The following TBL1X variants were observed in gnomAD, a reference collection of about 807,000 sequenced individuals.
TBL1X encodes the protein F-box-like/WD repeat-containing protein TBL1X.
A neutral mutation model predicts 50.7 loss-of-function variants in TBL1X; 10 were observed. The ratio of observed to expected loss-of-function variants is 0.20; its 90% CI spans 0.12 to 0.33. The LOEUF (loss-of-function observed/expected upper bound fraction) is 0.33. Ranked by LOEUF, TBL1X falls within the 10% of genes least tolerant of loss-of-function variation. The pLI is 1.00. For synonymous variants in TBL1X, 190 were observed against 214.7 expected (o/e 0.88, Z 1.01); for missense variants, 340 against 504.4 (o/e 0.67, Z 3.12).
intron 16 of TBL1X, among the ~76,000 whole-genome samples, chrX:9,712,206 C>T (rs889928271): frequency 8.8e-6 from 1 of 113,082 alleles, no homozygotes; most frequent in East Asian, 2.8e-4. Context: ...GACCAGCTAA[C>T]GGGGTCAAGG....
chrX:9,554,285 C>G (rs1341550877), intron 2 of TBL1X, among the ~76,000 whole-genome samples: 1 of 112,531 alleles, frequency 8.9e-6, no homozygotes, highest in Non-Finnish European at 1.9e-5. Context: ...TTAAAATCCA[C>G]TTAGGAAAGT....
chrX:9,525,864 A>C (rs1225678469), intron 2 of TBL1X, among the ~76,000 whole-genome samples: 1 of 111,037 alleles, frequency 9.0e-6, no homozygotes, highest in Non-Finnish European at 1.9e-5. Context: ...TAAAAAAAAA[A>C]CCCCTAATAC....
At chrX:9,550,227 A>G (rs1483655795) in intron 2 of TBL1X, among the ~76,000 whole-genome samples, 1 of 111,842 alleles carries the variant, frequency 8.9e-6, no homozygotes, top group Non-Finnish European at 1.9e-5. Flanking sequence ...GGGGAGAAAG[A>G]GGAAGACAGA....
intron 2 of TBL1X, among the ~76,000 whole-genome samples, chrX:9,506,962 T>C (rs1305148610): frequency 1.8e-5 from 2 of 111,632 alleles, no homozygotes; most frequent in African/African-American, 6.5e-5. Context: ...TACCCAAACC[T>C]GGAAGAGACA....
chrX:9,679,581 T>A (rs1292646859), intron 5 of TBL1X, among the ~76,000 whole-genome samples: 1 of 112,255 alleles, frequency 8.9e-6, no homozygotes, highest in African/African-American at 3.2e-5. Context: ...TTTAACTACT[T>A]CTGCACCTGC....
chrX:9,562,112 C>T (rs926986690), intron 2 of TBL1X, among the ~76,000 whole-genome samples: 1 of 111,946 alleles, frequency 8.9e-6, no homozygotes, highest in East Asian at 2.8e-4. Context: ...CCTCAAGATG[C>T]GCTATGTCAT....
intron 2 of TBL1X, among the ~76,000 whole-genome samples, chrX:9,550,961 G>GC (rs200299801): frequency 0.037 from 4,027 of 109,041 alleles, 175 homozygotes; most frequent in African/African-American, 0.12. Flanking sequence ...GTGCAGGACA[G>GC]CCCCCCCCCA....
intron 5 of TBL1X, among the ~76,000 whole-genome samples, chrX:9,675,591 T>G (rs1179269258): frequency 9.0e-6 from 1 of 111,416 alleles, no homozygotes; most frequent in Non-Finnish European, 1.9e-5. Flanking sequence ...ACATAGAAAT[T>G]AAGACGCACA....
chrX:9,596,805 G>A lies in TBL1X; in HGVS notation c.-130-43468G>A, dbSNP rs1471667117. Among the ~76,000 whole-genome samples, 3 of 111,297 alleles carry A rather than the reference G, an allele frequency of 2.7e-5. No homozygotes were observed. The South Asian group carries it at 1.2e-3, about 43-fold the overall frequency. On this transcript the variant is annotated intron_variant, in intron 2 of 17. Transcript: ENST00000645353. ...GCTTTTTGTAGGGGCACAGATAGAA[G>A]CCATCCCCCAACACGGTGCCCTGGG...
chrX:9,471,480 A>G (rs957598851), intron 1 of TBL1X, among the ~76,000 whole-genome samples: 7 of 112,353 alleles, frequency 6.2e-5, no homozygotes, highest in Non-Finnish European at 1.3e-4. Flanking sequence ...CTGGTTAAGG[A>G]TGACGGTTTT....
chrX:9,689,990 C>T (rs181203470), intron 7 of TBL1X, among the ~76,000 whole-genome samples: 92 of 112,358 alleles, frequency 8.2e-4, no homozygotes, highest in Non-Finnish European at 1.4e-3. Flanking sequence ...AACCTAAGAT[C>T]ACATTGCTTC....
At chrX:9,710,367 CT>C (rs759365060) in intron 15 of TBL1X, among the ~76,000 whole-genome samples, 1 of 111,161 alleles carries the variant, frequency 9.0e-6, no homozygotes, top group South Asian at 3.9e-4. Context: ...GATGGAATTC[CT>C]GCATCCACTG....
At chrX:9,689,189 C>G (rs2083082550) in intron 7 of TBL1X, among the ~76,000 whole-genome samples, 1 of 112,788 alleles carries the variant, frequency 8.9e-6, no homozygotes, top group African/African-American at 3.2e-5. Flanking sequence ...CTCGGAGCAG[C>G]CATGCAGCCC....
chrX:9,682,360 A>G (rs2083030302), intron 5 of TBL1X, among the ~76,000 whole-genome samples: 1 of 112,301 alleles, frequency 8.9e-6, no homozygotes, highest in Admixed American at 9.4e-5. Flanking sequence ...AACCTAATGT[A>G]GGCAGTTATA....
intron 1 of TBL1X, among the ~76,000 whole-genome samples, chrX:9,491,330 A>ATTTTT (rs1569205520): frequency 4.4e-5 from 1 of 22,733 alleles, no homozygotes; most frequent in African/African-American, 1.8e-4. Context: ...ATATATATAT[A>ATTTTT]TATATATATT....
chrX:9,621,115 C>A (rs2082664639), intron 2 of TBL1X, among the ~76,000 whole-genome samples: 1 of 111,219 alleles, frequency 9.0e-6, no homozygotes, highest in African/African-American at 3.3e-5. Context: ...GGGCGTGTTG[C>A]GTTTGAGATG....
chrX:9,662,979 G>C (rs139177111), intron 5 of TBL1X, among the ~76,000 whole-genome samples: 159 of 111,073 alleles, frequency 1.4e-3, no homozygotes, highest in African/African-American at 5.0e-3. Flanking sequence ...TTTAAAAATG[G>C]TTAGCATGAT....
At chrX:9,482,940 C>T (rs947424922) in intron 1 of TBL1X, among the ~76,000 whole-genome samples, 1 of 111,422 alleles carries the variant, frequency 9.0e-6, no homozygotes, top group African/African-American at 3.3e-5. Context: ...CTGTTAAACT[C>T]TTTCTCTACT....
chrX:9,486,111 A>C (rs1193438474), intron 1 of TBL1X, among the ~76,000 whole-genome samples: 1 of 110,786 alleles, frequency 9.0e-6, no homozygotes, highest in Non-Finnish European at 1.9e-5. Context: ...ACAGACCTTA[A>C]GTCTGATAAG....
Sources: allele counts gnomAD v4.1 joint callset (sites outside exome capture counted in the v4.1 genomes callset), GRCh38; gene constraint gnomAD v4.1.1; transcripts MANE v1.5; gene names NCBI Gene and HGNC (gene_info 2026-07-23, HGNC 2026-07-21).